PTPRJ: variants seen among roughly 807,000 people sequenced by gnomAD.
PTPRJ encodes the protein protein tyrosine phosphatase receptor type J.
A neutral mutation model predicts 141.3 loss-of-function variants in PTPRJ; 129 were observed. The observed-to-expected ratio is 0.91, with a 90% confidence interval of 0.79 to 1.06. PTPRJ has a LOEUF of 1.06. Among genes scored for constraint, PTPRJ ranks in the 50% least tolerant of loss-of-function variants. The probability of loss-of-function intolerance (pLI) is 0.00; values close to 1 mark genes in which losing one functional copy is unlikely to be tolerated. For synonymous variants in PTPRJ, 610 were observed against 640.5 expected, an observed-to-expected ratio of 0.95 and a Z score of 0.72; for missense variants, 1,601 against 1,679.7, an observed-to-expected ratio of 0.95 and a Z score of 0.82.
chr11:48,030,776 G>C (rs1349618067), intron 1 of PTPRJ, among the ~76,000 whole-genome samples: 2 of 152,012 alleles, frequency 1.3e-5, no homozygotes, highest in African/African-American at 4.8e-5. Context: ...AAATAATAAA[G>C]AGGAGGCCTT....
chr11:48,156,867 G>A lies in PTPRJ; in HGVS notation c.3438+748G>A, dbSNP rs547771440. 7.3e-5 allele frequency among the ~76,000 whole-genome samples: 11 copies of A among 151,108 alleles called. No individual in the cohort carries two copies. In the South Asian group the frequency reaches 1.7e-3, roughly 23 times the overall value. On this transcript the variant is annotated intron_variant, in intron 21 of 24. Coordinates refer to ENST00000418331, the MANE Select transcript of PTPRJ (RefSeq NM_002843.4). ...CTCCCAAAGTGTTGGGATTTCAGGC[G>A]TGAGCCATCACACCTGGCCTGGAAC...
chr11:48,033,056 A>T (rs76321559), intron 1 of PTPRJ, among the ~76,000 whole-genome samples: 1 of 130,708 alleles, frequency 7.7e-6, no homozygotes, highest in Non-Finnish European at 1.7e-5. Context: ...CGTCTCTATT[A>T]AAAAAAAAAA....
At chr11:47,997,468 C>A (rs542839211) in intron 1 of PTPRJ, among the ~76,000 whole-genome samples, 2 of 152,188 alleles carry the variant, frequency 1.3e-5, no homozygotes, top group African/African-American at 4.8e-5. Context: ...GGGTTCACAT[C>A]GACTCCCTTC....
At chr11:48,145,253 AGAGGTT>A in intron 14 of PTPRJ, 129 bp downstream of exon 14, 2 of 1,322,536 alleles carry the variant, frequency 1.5e-6, no homozygotes, top group African/African-American at 2.9e-5. Flanking sequence ...CTCCCCTCCC[AGAGGTT>A]GAGATGTCAC....
intron 1 of PTPRJ, among the ~76,000 whole-genome samples, chr11:47,986,507 A>T (rs939236096): frequency 6.6e-6 from 1 of 152,126 alleles, no homozygotes. Flanking sequence ...CCAGATCATT[A>T]GTTCATATGA....
intron 1 of PTPRJ, among the ~76,000 whole-genome samples, chr11:48,059,916 C>T (rs1854872953): frequency 6.6e-6 from 1 of 152,166 alleles, no homozygotes. Flanking sequence ...GGATTCAAAC[C>T]CGAATTGCAT....
intron 1 of PTPRJ, among the ~76,000 whole-genome samples, chr11:48,103,582 CTTAAT>C (rs1409692659): frequency 7.2e-5 from 11 of 152,190 alleles, no homozygotes; most frequent in Admixed American, 5.9e-4. Context: ...CTATCTGCTT[CTTAAT>C]TTGATTATAC....
chr11:48,059,500 G>A (rs1854860053), intron 1 of PTPRJ, among the ~76,000 whole-genome samples: 1 of 152,156 alleles, frequency 6.6e-6, no homozygotes, highest in Non-Finnish European at 1.5e-5. Flanking sequence ...GCTACAGGGG[G>A]ATGCTGGTCT....
chr11:48,024,095 C>T (rs1853739210), intron 1 of PTPRJ, among the ~76,000 whole-genome samples: 2 of 152,118 alleles, frequency 1.3e-5, no homozygotes, highest in Non-Finnish European at 2.9e-5. Context: ...ATTCCTCCCA[C>T]ACTTACAGTC....
intron 15 of PTPRJ, 79 bp from the exon 16 acceptor site, chr11:48,149,368 C>T: frequency 1.1e-6 from 1 of 931,644 alleles, no homozygotes; most frequent in Non-Finnish European, 1.7e-6. Flanking sequence ...TCATAGATGA[C>T]ATCAACTCCA....
intron 21 of PTPRJ, among the ~76,000 whole-genome samples, chr11:48,159,161 G>GTGTGTGTGTGTGTGTGTA (rs60389100): frequency 1.1e-4 from 15 of 130,634 alleles, no homozygotes; most frequent in South Asian, 8.1e-4. Flanking sequence ...GTGTGTGTGT[G>GTGTGTGTGTGTGTGTGTA]GTCATTTGCC....
chr11:48,151,134 C>T (rs987963448), intron 18 of PTPRJ, among the ~76,000 whole-genome samples: 3 of 152,134 alleles, frequency 2.0e-5, no homozygotes, highest in East Asian at 1.9e-4. Context: ...TAAAAAAGCA[C>T]CACAAACTGG....
chr11:48,105,609 C>A (rs139414205), intron 1 of PTPRJ, among the ~76,000 whole-genome samples: 1 of 152,162 alleles, frequency 6.6e-6, no homozygotes, highest in Non-Finnish European at 1.5e-5. Flanking sequence ...AATGGCTCCA[C>A]GAGACCCTCA....
At chr11:48,076,100 G>A (rs552187257) in intron 1 of PTPRJ, among the ~76,000 whole-genome samples, 36 of 152,278 alleles carry the variant, frequency 2.4e-4, no homozygotes, top group African/African-American at 8.4e-4. Flanking sequence ...CTTGACCTGG[G>A]TTCCAGTCTC....
intron 1 of PTPRJ, among the ~76,000 whole-genome samples, chr11:48,072,762 G>C (rs141484231): frequency 1.7e-3 from 264 of 152,164 alleles, no homozygotes; most frequent in African/African-American, 5.9e-3. Context: ...CTGCGCTACT[G>C]GTGTGCAGGA....
At chr11:48,000,467 G>A (rs1035567273) in intron 1 of PTPRJ, among the ~76,000 whole-genome samples, 1 of 151,982 alleles carries the variant, frequency 6.6e-6, no homozygotes, top group African/African-American at 2.4e-5. Flanking sequence ...CGTAAATTGA[G>A]GTGTGTTATT....
At chr11:48,067,532 G>A (rs1565286205) in intron 1 of PTPRJ, among the ~76,000 whole-genome samples, 1 of 152,180 alleles carries the variant, frequency 6.6e-6, no homozygotes, top group African/African-American at 2.4e-5. Context: ...TGAAAGAGAA[G>A]AGAGTCTTAT....
chr11:48,122,755 G>A (rs183298132), intron 4 of PTPRJ, among the ~76,000 whole-genome samples: 343 of 152,338 alleles, frequency 2.3e-3, no homozygotes, highest in African/African-American at 7.7e-3. Context: ...TGAGAGACAT[G>A]TGCTGTGAAG....
intron 1 of PTPRJ, among the ~76,000 whole-genome samples, chr11:48,023,302 T>C (rs1853707664): frequency 6.6e-6 from 1 of 152,176 alleles, no homozygotes; most frequent in African/African-American, 2.4e-5. Flanking sequence ...CCTCCTCTTG[T>C]CTTGTTTTTC....
Sources: allele counts gnomAD v4.1 joint callset (sites outside exome capture counted in the v4.1 genomes callset), GRCh38; gene constraint gnomAD v4.1.1; transcripts MANE v1.5; gene names NCBI Gene and HGNC (gene_info 2026-07-23, HGNC 2026-07-21).